NCKAP5: variants seen among roughly 807,000 people sequenced by gnomAD.
NCKAP5 encodes NCK associated protein 5.
In NCKAP5, 92 loss-of-function variants were observed where a neutral mutation model predicts 167.0. That is an observed-to-expected ratio of 0.55 (90% confidence interval 0.47 to 0.66). NCKAP5 has a LOEUF of 0.66. Among genes scored for constraint, NCKAP5 ranks in the 30% least tolerant of loss-of-function variants. The pLI is 0.00. For missense variants in NCKAP5, 2,378 were observed against 2,315.0 expected, an observed-to-expected ratio of 1.03 and a Z score of -0.56; for synonymous variants, 891 against 877.4, an observed-to-expected ratio of 1.02 and a Z score of -0.27.
the NCKAP5 span, among the ~76,000 whole-genome samples, chr2:133,632,953 C>T: frequency 1.3e-5 from 2 of 152,146 alleles, no homozygotes; most frequent in African/African-American, 4.8e-5. Context: ...TATATAATGC[C>T]AGCTTGCATC....
chr2:132,871,591 C>T (rs889247630), intron 9 of NCKAP5, among the ~76,000 whole-genome samples: 1 of 152,190 alleles, frequency 6.6e-6, no homozygotes, highest in African/African-American at 2.4e-5. Context: ...CTAACTCTAA[C>T]AGCCCACAGG....
chr2:132,933,788 T>C (rs1328580426), intron 8 of NCKAP5, among the ~76,000 whole-genome samples: 1 of 152,156 alleles, frequency 6.6e-6, no homozygotes, highest in Non-Finnish European at 1.5e-5. Flanking sequence ...ATGATTGTAC[T>C]GAGAAGCCAG....
intron 3 of NCKAP5, among the ~76,000 whole-genome samples, chr2:133,382,297 G>A (rs1462769879): frequency 1.3e-5 from 2 of 152,092 alleles, no homozygotes; most frequent in South Asian, 2.1e-4. Flanking sequence ...TTAGTCTTCT[G>A]CAATAGCTTG....
chr2:133,200,062 T>C (rs965828501), intron 5 of NCKAP5, among the ~76,000 whole-genome samples: 2 of 41,186 alleles, frequency 4.9e-5, no homozygotes, highest in East Asian at 1.1e-3. Context: ...TTTTTCTTTC[T>C]TTTTTTTTTT....
intron 5 of NCKAP5, among the ~76,000 whole-genome samples, chr2:133,207,044 G>T (rs958384018): frequency 1.3e-5 from 2 of 152,166 alleles, no homozygotes; most frequent in East Asian, 3.9e-4. Context: ...GGACATAGAC[G>T]CTCATCAGTA....
At chr2:133,006,705 A>G (rs2077982227) in intron 6 of NCKAP5, among the ~76,000 whole-genome samples, 1 of 152,180 alleles carries the variant, frequency 6.6e-6, no homozygotes, top group South Asian at 2.1e-4. Context: ...AATAATGTCC[A>G]AAGCAGCACA....
chr2:132,839,203 T>G (rs544838917), intron 11 of NCKAP5, among the ~76,000 whole-genome samples: 1 of 152,350 alleles, frequency 6.6e-6, no homozygotes, highest in East Asian at 1.9e-4. Context: ...TTAATTTTTA[T>G]AGAATCAAAT....
chr2:132,921,203 T>C (rs1695402564), intron 8 of NCKAP5, among the ~76,000 whole-genome samples: 1 of 152,068 alleles, frequency 6.6e-6, no homozygotes, highest in African/African-American at 2.4e-5. Context: ...TGTACCAAAC[T>C]GAACCCTTTA....
intron 3 of NCKAP5, among the ~76,000 whole-genome samples, chr2:133,405,325 A>G (rs1688356353): frequency 6.6e-6 from 1 of 152,178 alleles, no homozygotes; most frequent in Non-Finnish European, 1.5e-5. Context: ...CTTATCTAAT[A>G]CACATACTTT....
chr2:133,623,205 A>G, the NCKAP5 span, among the ~76,000 whole-genome samples: 3 of 152,228 alleles, frequency 2.0e-5, no homozygotes, highest in Non-Finnish European at 2.9e-5. Context: ...ACTCCAGAAG[A>G]TAACATCGGA....
At position 132,860,493 on chromosome 2, in the gene NCKAP5, TG is replaced by T; in HGVS notation, c.805del (p.Gln269ArgfsTer25). 1 of 1,569,454 alleles carries T rather than the reference TG, an allele frequency of 6.4e-7. No individual in the cohort carries two copies. Among genetic ancestry groups the T allele is most frequent in the Non-Finnish European group, 8.7e-7 (1 of 1,155,104 alleles). ...ATTGTTTTCCAGATAAACACATACCTGGAGGAGCAGATCAGAAGTGGGTCTG... is the reference window on the plus strand; with the variant it reads ...ATTGTTTTCCAGATAAACACATACCTGAGGAGCAGATCAGAAGTGGGTCTG... The part of the protein sequence containing the change: ...RVRPTSDLLL[Q>X]KLHSRLLDLS... On this transcript the variant is annotated frameshift_variant and splice_region_variant, in exon 11 of 20. Coordinates refer to ENST00000409261, the MANE Select transcript of NCKAP5 (RefSeq NM_207363.3). LOFTEE classifies it high-confidence loss of function.
At chr2:133,148,115 A>C (rs1332364517) in intron 5 of NCKAP5, among the ~76,000 whole-genome samples, 1 of 152,164 alleles carries the variant, frequency 6.6e-6, no homozygotes, top group African/African-American at 2.4e-5. Context: ...ATAAAACTAG[A>C]AAATGCTATC....
chr2:132,753,743 C>A (rs1680303041), intron 16 of NCKAP5, among the ~76,000 whole-genome samples: 1 of 152,152 alleles, frequency 6.6e-6, no homozygotes, highest in Non-Finnish European at 1.5e-5. Context: ...TTGAGGTAGC[C>A]CATTTCTAGA....
At chr2:132,965,832 A>T (rs1039178464) in intron 7 of NCKAP5, among the ~76,000 whole-genome samples, 2 of 152,250 alleles carry the variant, frequency 1.3e-5, no homozygotes, top group East Asian at 3.9e-4. Context: ...CTAAACATAA[A>T]AAAGGTACAG....
intron 6 of NCKAP5, among the ~76,000 whole-genome samples, chr2:133,092,008 C>A (rs2081200535): frequency 6.6e-6 from 1 of 152,154 alleles, no homozygotes; most frequent in African/African-American, 2.4e-5. Flanking sequence ...ACTTACAATA[C>A]CCATTTCAAT....
chr2:133,454,378 C>T (rs1691722295), intron 3 of NCKAP5, among the ~76,000 whole-genome samples: 1 of 152,030 alleles, frequency 6.6e-6, no homozygotes, highest in Non-Finnish European at 1.5e-5. Context: ...GGACAAGATT[C>T]AGAAAATGGA....
At chr2:133,190,719 T>C (rs1237427522) in intron 5 of NCKAP5, among the ~76,000 whole-genome samples, 2 of 152,166 alleles carry the variant, frequency 1.3e-5, no homozygotes, top group Non-Finnish European at 2.9e-5. Context: ...GCTAGCCATA[T>C]GGAGAAAGCT....
intron 4 of NCKAP5, among the ~76,000 whole-genome samples, chr2:133,218,909 T>C (rs1269555835): frequency 6.6e-6 from 1 of 152,176 alleles, no homozygotes; most frequent in East Asian, 1.9e-4. Flanking sequence ...CCATAATGGT[T>C]TTAGTCATTA....
At chr2:133,190,852 T>C (rs1374778849) in intron 5 of NCKAP5, among the ~76,000 whole-genome samples, 2 of 152,128 alleles carry the variant, frequency 1.3e-5, no homozygotes, top group Admixed American at 6.6e-5. Flanking sequence ...ATTCAGGACA[T>C]AGGCATGGAC....
Sources: gnomAD v4.1 joint callset for allele counts (sites outside exome capture counted in the v4.1 genomes callset) on GRCh38, gnomAD v4.1.1 for gene constraint, MANE v1.5 for transcripts, NCBI Gene and HGNC (gene_info 2026-07-23, HGNC 2026-07-21) for gene names.